The following PRKAR2B variants were observed in gnomAD, a reference collection of about 807,000 sequenced individuals.
PRKAR2B encodes cAMP-dependent protein kinase type II-beta regulatory subunit.
PRKAR2B carries 14 observed loss-of-function variants against 49.9 expected under a neutral mutation model. That is an observed-to-expected ratio of 0.28 (90% CI 0.19 to 0.44). The LOEUF is 0.44. PRKAR2B is among the 20% of genes least tolerant of loss of function. The probability of loss-of-function intolerance (pLI) is 1.00; values close to 1 mark genes in which losing one functional copy is unlikely to be tolerated. For missense variants in PRKAR2B, 393 were observed against 537.9 expected (o/e 0.73, Z 2.67); for synonymous variants, 196 against 197.7 (o/e 0.99, Z 0.07).
intron 2 of PRKAR2B, among the ~76,000 whole-genome samples, chr7:107,106,605 C>T (rs1795078102): frequency 6.6e-6 from 1 of 152,210 alleles, no homozygotes; most frequent in South Asian, 2.1e-4. Flanking sequence ...CAGCTACCTC[C>T]TGCAAGGGAT....
chr7:107,045,101 CCGGGGG>C lies in PRKAR2B; in HGVS notation c.198_203del (p.Gly67_Gly68del), dbSNP rs759254220. On this transcript the variant is annotated inframe_deletion, in exon 1 of 11. Transcript: ENST00000265717. ...ACCTGGGGGGACCTGGGCGCCGCTG[CCGGGGG>C]CGGCACCCCCAGCAAGGGGGTCAAC... 75 of 1,528,200 alleles carry C rather than the reference CCGGGGG, an allele frequency of 4.9e-5. No individual in the cohort carries two copies. Among genetic ancestry groups the C allele is most frequent in the Non-Finnish European group, 6.5e-5 (74 of 1,140,452 alleles). 94.7% of individuals were successfully genotyped at this position (1,528,200 alleles called of 1,614,324 possible).
chr7:107,083,868 C>T (rs750098568), intron 2 of PRKAR2B, among the ~76,000 whole-genome samples: 2 of 152,166 alleles, frequency 1.3e-5, no homozygotes, highest in Non-Finnish European at 2.9e-5. Context: ...GCCTCAGCCT[C>T]CCAAAGTGCT....
intron 2 of PRKAR2B, among the ~76,000 whole-genome samples, chr7:107,114,121 A>C (rs1795222748): frequency 6.6e-6 from 1 of 152,178 alleles, no homozygotes; most frequent in East Asian, 1.9e-4. Context: ...TGTTGTAGAA[A>C]GATACTTTAT....
At position 107,116,257 on chromosome 7, in the gene PRKAR2B, C is replaced by T. The variant is rs139543183; in HGVS notation, c.344-5695C>T. 6.2e-3 allele frequency among the ~76,000 whole-genome samples: 939 copies of T among 152,308 alleles called. 6 individuals carry two copies. The highest frequency in any genetic ancestry group is 0.038 in the Middle Eastern group (11 of 292). On this transcript the variant is annotated intron_variant, in intron 2 of 10. Coordinates refer to ENST00000265717, the MANE Select transcript of PRKAR2B (RefSeq NM_002736.3). ...TAGAGGGAACAAAACAAAGCAATCT[C>T]TTCTTCCCACTCTTTGTTAATTCTT...
Position 107,065,430 on chromosome 7 carries a change from C to G in PRKAR2B, c.308-4851C>G, listed in dbSNP as rs554080643. 2.0e-5 allele frequency among the ~76,000 whole-genome samples: 3 copies of G among 146,922 alleles called. No homozygotes were observed. The East Asian group carries it at 6.2e-4, about 30-fold the overall frequency. On this transcript the variant is annotated intron_variant, in intron 1 of 10. Coordinates refer to ENST00000265717, the MANE Select transcript of PRKAR2B (RefSeq NM_002736.3). Reference sequence around the variant, plus strand: ...TCTTGTTTCTTTAACTTGGAGTTTCCCTCCCAGGAGTATGCTCAGAGATGC... The same window carrying G: ...TCTTGTTTCTTTAACTTGGAGTTTCGCTCCCAGGAGTATGCTCAGAGATGC...
At chr7:107,143,296 A>G (rs1795822887) in intron 5 of PRKAR2B, among the ~76,000 whole-genome samples, 1 of 152,238 alleles carries the variant, frequency 6.6e-6, no homozygotes, top group Admixed American at 6.5e-5. Flanking sequence ...TTGAGCATCA[A>G]CATGATGGCA....
At chr7:107,136,302 C>G (rs1449575785) in intron 4 of PRKAR2B, among the ~76,000 whole-genome samples, 2 of 152,126 alleles carry the variant, frequency 1.3e-5, no homozygotes, top group African/African-American at 2.4e-5. Flanking sequence ...AAGGCACATC[C>G]ATGAAAGAAT....
intron 5 of PRKAR2B, among the ~76,000 whole-genome samples, chr7:107,141,891 T>G (rs1051809459): frequency 6.6e-6 from 1 of 152,218 alleles, no homozygotes; most frequent in African/African-American, 2.4e-5. Flanking sequence ...GTCTTGCATT[T>G]ATGTTGAAAA....
intron 2 of PRKAR2B, among the ~76,000 whole-genome samples, chr7:107,105,780 G>A (rs1466677119): frequency 6.6e-6 from 1 of 152,174 alleles, no homozygotes; most frequent in African/African-American, 2.4e-5. Context: ...GGACCAGCAA[G>A]TCAGGGGCTC....
rs754628013 is a variant in PRKAR2B at position 107,157,061 on chromosome 7, A to C, written c.984+12A>C. The C allele has an allele frequency of 5.0e-6, 8 of 1,608,756 alleles. No individual in the cohort carries two copies. In the Admixed American group the frequency reaches 1.2e-4, roughly 23 times the overall value. On this transcript the variant is annotated intron_variant, in intron 9 of 10. Transcript: ENST00000265717. ...CTATGAAAAGAAAGGTAAGCATTCT[A>C]AGTCCTCAGAACCCACATACTGTTA...
intron 1 of PRKAR2B, among the ~76,000 whole-genome samples, chr7:107,064,407 C>T (rs981576187): frequency 9.9e-5 from 15 of 152,148 alleles, no homozygotes; most frequent in South Asian, 6.2e-4. Flanking sequence ...ATCGATATTT[C>T]GTCTTACTCT....
intron 4 of PRKAR2B, among the ~76,000 whole-genome samples, chr7:107,129,260 A>G (rs1028375528): frequency 1.3e-5 from 2 of 152,206 alleles, no homozygotes; most frequent in Non-Finnish European, 2.9e-5. Context: ...TGTTTATATT[A>G]CGTCTTCCAG....
intron 3 of PRKAR2B, among the ~76,000 whole-genome samples, chr7:107,124,761 T>G (rs1795455101): frequency 6.6e-6 from 1 of 152,118 alleles, no homozygotes; most frequent in South Asian, 2.1e-4. Context: ...AGTTAAAACC[T>G]TACTTGTTAA....
At chr7:107,095,063 T>G (rs903853988) in intron 2 of PRKAR2B, among the ~76,000 whole-genome samples, 4 of 152,154 alleles carry the variant, frequency 2.6e-5, no homozygotes, top group African/African-American at 4.8e-5. Context: ...GTAGCTTGAT[T>G]GGGATGGCGT....
At chr7:107,127,441 G>A (rs1433196114) in intron 3 of PRKAR2B, among the ~76,000 whole-genome samples, 1 of 152,322 alleles carries the variant, frequency 6.6e-6, no homozygotes, top group South Asian at 2.1e-4. Flanking sequence ...CTAGTGAAAA[G>A]GGACTCGAGA....
intron 8 of PRKAR2B, among the ~76,000 whole-genome samples, chr7:107,155,748 A>G (rs1007306003): frequency 3.9e-5 from 6 of 152,166 alleles, no homozygotes; most frequent in Non-Finnish European, 7.4e-5. Flanking sequence ...CAGAAAACCC[A>G]TTACTGGGTA....
At chr7:107,106,306 C>T (rs1009620957) in intron 2 of PRKAR2B, among the ~76,000 whole-genome samples, 2 of 152,194 alleles carry the variant, frequency 1.3e-5, no homozygotes, top group African/African-American at 2.4e-5. Flanking sequence ...GGATCTGGAA[C>T]TGCATCGCAC....
intron 1 of PRKAR2B, among the ~76,000 whole-genome samples, chr7:107,052,598 C>A (rs978578613): frequency 6.6e-6 from 1 of 152,198 alleles, no homozygotes; most frequent in African/African-American, 2.4e-5. Context: ...ACCTGGTAAT[C>A]TGACTTCAGG....
chr7:107,068,455 T>G (rs987617369), intron 1 of PRKAR2B: 1 of 152,166 alleles, frequency 6.6e-6, no homozygotes, highest in Non-Finnish European at 1.5e-5. Flanking sequence ...TTAGACTAAC[T>G]TTAATAGTTG....
Sources: gnomAD v4.1 joint callset for allele counts (sites outside exome capture counted in the v4.1 genomes callset) on GRCh38, gnomAD v4.1.1 for gene constraint, MANE v1.5 for transcripts, NCBI Gene and HGNC (gene_info 2026-07-23, HGNC 2026-07-21) for gene names.